ABCC3: variants seen among roughly 807,000 people sequenced by gnomAD.
The protein encoded by ABCC3 is ATP binding cassette subfamily C member 3, also known as ATP-binding cassette sub-family C member 3.
In ABCC3, 121 loss-of-function variants were observed where a neutral mutation model predicts 165.3. The observed-to-expected ratio is 0.73, with a 90% CI of 0.63 to 0.85. ABCC3 has a LOEUF of 0.85. Among genes scored for constraint, ABCC3 ranks in the 40% least tolerant of loss-of-function variants. ABCC3 has a pLI of 0.00. For missense variants in ABCC3, 1,869 were observed against 1,964.1 expected (o/e 0.95, Z 0.92); for synonymous variants, 733 against 810.1 (o/e 0.90, Z 1.62).
At chr17:50,671,732 TG>T (rs1967651923) in intron 17 of ABCC3, among the ~76,000 whole-genome samples, 1 of 133,966 alleles carries the variant, frequency 7.5e-6, no homozygotes, top group African/African-American at 3.1e-5. Context: ...TTTTTTTTTT[TG>T]AGACAAGGCT....
At chr17:50,661,343 T>C (rs1967382242) in intron 8 of ABCC3, among the ~76,000 whole-genome samples, 1 of 152,236 alleles carries the variant, frequency 6.6e-6, no homozygotes, top group African/African-American at 2.4e-5. Flanking sequence ...CCGTGGTGTG[T>C]ACGTTAACAA....
At chr17:50,685,687 C>T (rs1342072202) in intron 29 of ABCC3, among the ~76,000 whole-genome samples, 1 of 152,210 alleles carries the variant, frequency 6.6e-6, no homozygotes. Context: ...AGTCACATTT[C>T]AAGTGCTAAT....
Position 50,656,774 on chromosome 17 carries a change from C to T in ABCC3, c.295C>T (p.Arg99Trp), listed in dbSNP as rs201309163. Residue 99 changes from arginine (R) to tryptophan (W), a missense_variant, in exon 3 of 31, where the codon CGG becomes TGG. Physicochemically the swap from Arg to Trp is moderately radical, Grantham distance 101 (BLOSUM62 -3). Transcript: ENST00000285238. ...FYSFHGLVHGRAPAPVFFVTP... is the reference protein window; with the variant it reads ...FYSFHGLVHGWAPAPVFFVTP... Reference sequence around the variant, plus strand: ...CTCCTTCCATGGCCTGGTCCATGGCCGGGCCCCTGCCCCTGTTTTCTTTGT... The same window carrying T: ...CTCCTTCCATGGCCTGGTCCATGGCTGGGCCCCTGCCCCTGTTTTCTTTGT... The T allele has an allele frequency of 3.3e-5, 54 of 1,613,892 alleles. No individual in the cohort carries two copies. Among genetic ancestry groups the T allele is most frequent in the Middle Eastern group, 1.6e-4 (1 of 6,082 alleles).
At position 50,634,995 on chromosome 17, in the gene ABCC3, C is replaced by G. The variant is rs2054165043; in HGVS notation, c.45+14C>G. The G allele has an allele frequency of 1.6e-6, 2 of 1,259,210 alleles. No individual in the cohort carries two copies. The highest frequency in any genetic ancestry group is 2.0e-6 in the Non-Finnish European group (2 of 1,000,552). The allele number at this position is 1,259,210 out of a possible 1,614,324, so 78.0% of individuals were successfully genotyped here. On this transcript the variant is annotated intron_variant, in intron 1 of 30. Transcript: ENST00000285238. ...TCCAAGTTCTGGGTAAGGCGCGGGG[C>G]TCCGGGGTCACTGCGCGGGGGCCAG...
In ABCC3 at chr17:50,659,842, C is replaced by T. The variant is rs150707538; in HGVS notation, c.806+474C>T. 7.2e-4 allele frequency among the ~76,000 whole-genome samples: 110 copies of T among 152,188 alleles called. 1 individual carries two copies. Among genetic ancestry groups the T allele is most frequent in the African/African-American group, 2.3e-3 (97 of 41,514 alleles). On this transcript the variant is annotated intron_variant, in intron 7 of 30. Transcript: ENST00000285238. ...TCTACAAAAAATAAACAAGATGAGC[C>T]GGGCATGGTGGTGTGCACCTGTAGT...
intron 26 of ABCC3, among the ~76,000 whole-genome samples, chr17:50,680,640 C>G (rs557919308): frequency 1.2e-4 from 18 of 152,246 alleles, no homozygotes; most frequent in African/African-American, 3.4e-4. Flanking sequence ...CCCGGCCAGC[C>G]TAGAGTCTAT....
chr17:50,673,316 A>T, intron 18 of ABCC3, 153 bp from the exon 19 acceptor site: 1 of 1,244,596 alleles, frequency 8.0e-7, no homozygotes, highest in Non-Finnish European at 1.1e-6. Context: ...CGAGGTTCTG[A>T]GCAGGCTGTG....
At chr17:50,646,966 C>T (rs1312760284) in intron 1 of ABCC3, among the ~76,000 whole-genome samples, 1 of 152,210 alleles carries the variant, frequency 6.6e-6, no homozygotes, top group African/African-American at 2.4e-5. Flanking sequence ...GCAACCTCCG[C>T]CTCCCGGGTT....
intron 1 of ABCC3, among the ~76,000 whole-genome samples, chr17:50,639,759 G>T (rs2054210750): frequency 6.9e-6 from 1 of 144,320 alleles, no homozygotes; most frequent in Non-Finnish European, 1.5e-5. Flanking sequence ...TTGGATTTTG[G>T]ATTTCTCCTT....
chr17:50,668,824 C>T, intron 14 of ABCC3, 29 bp from the exon 15 acceptor site: 1 of 1,609,788 alleles, frequency 6.2e-7, no homozygotes, highest in Non-Finnish European at 8.5e-7. Context: ...GAGCTCCCTC[C>T]CTGACCCTGC....
Position 50,673,060 on chromosome 17 carries a change from A to G in ABCC3, c.2331A>G (p.Pro777=), listed in dbSNP as rs750717602. Reference sequence around the variant, plus strand: ...CCGATATTTTCTTGCTGGATGACCCACTGTCCGCGGTGGACTCTCATGTGG... The same window carrying G: ...CCGATATTTTCTTGCTGGATGACCCGCTGTCCGCGGTGGACTCTCATGTGG... ...SDADIFLLDD[P]LSAVDSHVAK... Residue 777 remains proline (P), a synonymous_variant, in exon 18 of 31, where the codon CCA becomes CCG. Transcript: ENST00000285238. The G allele has an allele frequency of 3.1e-6, 5 of 1,613,922 alleles. No individual in the cohort carries two copies. In the South Asian group the frequency reaches 3.3e-5, roughly 11 times the overall value.
chr17:50,668,582 G>A, intron 14 of ABCC3, 65 bp downstream of exon 14: 2 of 1,362,296 alleles, frequency 1.5e-6, no homozygotes, highest in Non-Finnish European at 2.1e-6. Context: ...TCTGTTTCAA[G>A]CTTTTCCTTT....
At chr17:50,658,607 C>A in intron 6 of ABCC3, 111 bp downstream of exon 6, 1 of 1,181,584 alleles carries the variant, frequency 8.5e-7, no homozygotes, top group Non-Finnish European at 1.3e-6. Flanking sequence ...ACCTATCCCA[C>A]CCCCCACCGC....
intron 7 of ABCC3, 129 bp from the exon 8 acceptor site, chr17:50,660,794 C>T: frequency 1.3e-6 from 1 of 757,588 alleles, no homozygotes; most frequent in East Asian, 2.7e-5. Context: ...GTCTGTTCCC[C>T]TCCCAGCTCT....
chr17:50,671,195 G>A (rs867037324), intron 17 of ABCC3, among the ~76,000 whole-genome samples: 24 of 151,554 alleles, frequency 1.6e-4, no homozygotes, highest in Admixed American at 1.2e-3. Flanking sequence ...GGCGGAGGTT[G>A]CAATGAACTG....
rs1195407776 is a variant in ABCC3, at chr17:50,679,886, A to G, written c.3794A>G (p.Lys1265Arg). The part of the protein sequence containing the change: ...VAVERVKEYS[K>R]TETEAPWVVE... ...GTGGAGAGGGTCAAGGAGTACTCCA[A>G]GACAGAGACAGAGGTGGGTACTGGC... is the stretch of plus-strand genomic sequence containing the variant. The change falls in exon 26 of 31, where the codon AAG (lysine) becomes AGG (arginine). Residue 1265 changes from lysine to arginine, a missense_variant. Lys to Arg is a conservative substitution (Grantham distance 26). Transcript: ENST00000285238. 1.2e-6 allele frequency: 2 copies of G among 1,613,740 alleles called. No individual in the cohort carries two copies. Among genetic ancestry groups the G allele is most frequent in the African/African-American group, 2.7e-5 (2 of 74,926 alleles).
chr17:50,660,852 C>A, intron 7 of ABCC3, 71 bp from the exon 8 acceptor site: 1 of 1,432,420 alleles, frequency 7.0e-7, no homozygotes, highest in Non-Finnish European at 9.5e-7. Flanking sequence ...CTAGCCAGCC[C>A]AGCCTAGCCC....
At chr17:50,663,360 A>G (rs980266445) in intron 8 of ABCC3, 17 of 356,206 alleles carry the variant, frequency 4.8e-5, no homozygotes, top group Non-Finnish European at 7.9e-5. Flanking sequence ...AAGTCCAGTC[A>G]ATGGAAACGT....
chr17:50,691,228 C>G lies in ABCC3; in HGVS notation c.*28C>G. 6.4e-7 allele frequency: 1 copy of G among 1,565,818 alleles called. No homozygotes were observed. The highest frequency in any genetic ancestry group is 8.8e-7 in the Non-Finnish European group (1 of 1,136,442). Reference sequence around the variant, plus strand: ...TATATTCCTGAGATTTCCTCCTGGCCTTTCCTGGTTTTCATCAGGAAGGAA... The same window carrying G: ...TATATTCCTGAGATTTCCTCCTGGCGTTTCCTGGTTTTCATCAGGAAGGAA... On this transcript the variant is annotated 3_prime_UTR_variant, in exon 31 of 31. Coordinates refer to ENST00000285238, the MANE Select transcript of ABCC3 (RefSeq NM_003786.4).
Sources: allele counts gnomAD v4.1 joint callset (sites outside exome capture counted in the v4.1 genomes callset), GRCh38; gene constraint gnomAD v4.1.1; transcripts MANE v1.5; gene names NCBI Gene and HGNC (gene_info 2026-07-23, HGNC 2026-07-21).